TAFA2: variants seen among roughly 807,000 people sequenced by gnomAD.
TAFA2 encodes TAFA chemokine like family member 2, also known as chemokine-like protein TAFA-2.
TAFA2 carries 7 observed loss-of-function variants against 18.8 expected under a neutral mutation model. The observed-to-expected ratio is 0.37, with a 90% CI of 0.21 to 0.70. The LOEUF (loss-of-function observed/expected upper bound fraction) is 0.70, where lower values mean the gene tolerates loss of function less well. Among genes scored for constraint, TAFA2 ranks in the 30% least tolerant of loss-of-function variants. The probability of loss-of-function intolerance (pLI) is 0.53; values close to 1 mark genes in which losing one functional copy is unlikely to be tolerated. For synonymous variants in TAFA2, 60 were observed against 54.2 expected, an observed-to-expected ratio of 1.11 and a Z score of -0.47; for missense variants, 122 against 158.1, an observed-to-expected ratio of 0.77 and a Z score of 1.23.
At chr12:62,035,770 T>C in intron 1 of TAFA2, among the ~76,000 whole-genome samples, 2 of 126,030 alleles carry the variant, frequency 1.6e-5, no homozygotes, top group African/African-American at 3.2e-5. Flanking sequence ...GAGGCGGAGT[T>C]TCGCTCTGTC....
intron 1 of TAFA2, among the ~76,000 whole-genome samples, chr12:62,023,114 A>C (rs1345698544): frequency 6.6e-6 from 1 of 152,250 alleles, no homozygotes; most frequent in African/African-American, 2.4e-5. Flanking sequence ...GAAGCCAAGA[A>C]AGACAGAAAT....
intron 1 of TAFA2, among the ~76,000 whole-genome samples, chr12:61,904,664 T>C (rs76938628): frequency 0.017 from 2,554 of 152,278 alleles, 33 homozygotes; most frequent in East Asian, 0.047. Context: ...AACCTGTTTT[T>C]ATAATTCTCA....
At chr12:61,834,879 T>C (rs1172207174) in intron 2 of TAFA2, among the ~76,000 whole-genome samples, 3 of 152,088 alleles carry the variant, frequency 2.0e-5, no homozygotes, top group African/African-American at 7.2e-5. Flanking sequence ...CACCAATTAT[T>C]CTTTACCTTA....
chr12:61,817,970 GC>G (rs1872155239), intron 2 of TAFA2, among the ~76,000 whole-genome samples: 1 of 151,956 alleles, frequency 6.6e-6, no homozygotes, highest in South Asian at 2.1e-4. Context: ...TCATCCTTCA[GC>G]AACACCCAAG....
chr12:62,072,009 CTTACA>C (rs1187459752), intron 1 of TAFA2, among the ~76,000 whole-genome samples: 1 of 152,174 alleles, frequency 6.6e-6, no homozygotes, highest in African/African-American at 2.4e-5. Context: ...AACTAAACTT[CTTACA>C]TTACATTTCA....
At chr12:62,122,074 T>G (rs1244551914) in intron 1 of TAFA2, among the ~76,000 whole-genome samples, 2 of 151,698 alleles carry the variant, frequency 1.3e-5, no homozygotes, top group Non-Finnish European at 2.9e-5. Context: ...CTTTGGAGGG[T>G]GAAGGGTGGA....
chr12:62,046,590 T>C (rs1040390568), intron 1 of TAFA2, among the ~76,000 whole-genome samples: 1 of 152,122 alleles, frequency 6.6e-6, no homozygotes, highest in African/African-American at 2.4e-5. Flanking sequence ...TATAAAACCA[T>C]ACTTAAGTAA....
intron 1 of TAFA2, among the ~76,000 whole-genome samples, chr12:61,977,118 A>C (rs544679029): frequency 1.5e-4 from 23 of 152,038 alleles, no homozygotes; most frequent in African/African-American, 5.5e-4. Flanking sequence ...AAAACTTTTC[A>C]ATGCACAAAA....
chr12:62,238,198 G>A (rs1436484524), intron 1 of TAFA2, among the ~76,000 whole-genome samples: 2 of 152,194 alleles, frequency 1.3e-5, no homozygotes, highest in East Asian at 3.9e-4. Flanking sequence ...GATGGAAGGA[G>A]GGGCTTGATG....
intron 1 of TAFA2, among the ~76,000 whole-genome samples, chr12:62,007,152 G>C (rs1381838932): frequency 6.6e-6 from 1 of 151,980 alleles, no homozygotes; most frequent in African/African-American, 2.4e-5. Flanking sequence ...CCTATTCCTG[G>C]AGCATGCTGA....
intron 1 of TAFA2, among the ~76,000 whole-genome samples, chr12:61,974,235 T>C (rs980672835): frequency 2.0e-5 from 3 of 151,680 alleles, no homozygotes; most frequent in Non-Finnish European, 3.0e-5. Flanking sequence ...ATGTATAAGT[T>C]TAAGAAAATT....
At chr12:61,895,442 C>A (rs577087253) in intron 1 of TAFA2, among the ~76,000 whole-genome samples, 123 of 152,108 alleles carry the variant, frequency 8.1e-4, no homozygotes, top group Non-Finnish European at 1.6e-3. Flanking sequence ...AAAAGTGAAA[C>A]AGTTCTCCCA....
At chr12:62,123,772 CCACACACATACACACA>C (rs568334251) in intron 1 of TAFA2, among the ~76,000 whole-genome samples, 4,568 of 69,040 alleles carry the variant, frequency 0.066, 123 homozygotes, top group Non-Finnish European at 0.084. Flanking sequence ...ATCTCCCCCA[CCACACACATACACACA>C]CACACACACA....
intron 4 of TAFA2, among the ~76,000 whole-genome samples, chr12:61,722,667 G>A (rs1172569630): frequency 6.6e-6 from 1 of 152,042 alleles, no homozygotes; most frequent in Non-Finnish European, 1.5e-5. Context: ...AATGTTTTCA[G>A]GGACTTTTTA....
intron 1 of TAFA2, among the ~76,000 whole-genome samples, chr12:62,222,787 T>C (rs2062769502): frequency 1.3e-5 from 2 of 152,160 alleles, no homozygotes; most frequent in African/African-American, 4.8e-5. Context: ...GTGCTGGGAT[T>C]ACAGGCGTGA....
At chr12:62,003,982 C>A (rs1435619345) in intron 1 of TAFA2, among the ~76,000 whole-genome samples, 2 of 152,138 alleles carry the variant, frequency 1.3e-5, no homozygotes, top group Non-Finnish European at 2.9e-5. Context: ...TTAATCTCTA[C>A]ATTTGCTTCC....
At chr12:61,976,642 A>G (rs1440454563) in intron 1 of TAFA2, among the ~76,000 whole-genome samples, 2 of 151,838 alleles carry the variant, frequency 1.3e-5, no homozygotes, top group Admixed American at 1.3e-4. Flanking sequence ...GCACCCATTA[A>G]CTCATTTACA....
intron 2 of TAFA2, among the ~76,000 whole-genome samples, chr12:61,861,100 G>A (rs1874106231): frequency 6.6e-6 from 1 of 152,006 alleles, no homozygotes; most frequent in Non-Finnish European, 1.5e-5. Context: ...AGAGGCACAT[G>A]CCACCATGCC....
chr12:62,138,929 G>A (rs1202796743), intron 1 of TAFA2, among the ~76,000 whole-genome samples: 1 of 152,142 alleles, frequency 6.6e-6, no homozygotes, highest in African/African-American at 2.4e-5. Flanking sequence ...AGTGCCACAA[G>A]AATTAATAGA....
Sources: allele counts gnomAD v4.1 joint callset (sites outside exome capture counted in the v4.1 genomes callset), GRCh38; gene constraint gnomAD v4.1.1; transcripts MANE v1.5; gene names NCBI Gene and HGNC (gene_info 2026-07-23, HGNC 2026-07-21).